The following SFTPD variants were observed in gnomAD, a reference collection of about 807,000 sequenced individuals.
SFTPD encodes the protein surfactant protein D.
Under a neutral mutation model 34.6 loss-of-function variants are expected in SFTPD, and 18 were observed. The ratio of observed to expected loss-of-function variants is 0.52; its 90% confidence interval spans 0.36 to 0.77. The LOEUF is 0.77. Ranked by LOEUF, SFTPD falls within the 30% of genes least tolerant of loss-of-function variation. SFTPD has a pLI of 0.00. For missense variants in SFTPD, 433 were observed against 468.9 expected (o/e 0.92, Z 0.71); for synonymous variants, 155 against 180.9 (o/e 0.86, Z 1.15).
intron 1 of SFTPD, among the ~76,000 whole-genome samples, chr10:79,947,804 A>T (rs563994993): frequency 3.5e-4 from 53 of 152,350 alleles, no homozygotes; most frequent in African/African-American, 1.3e-3. Context: ...CCCATTTACT[A>T]TCTAAGATGG....
upstream of SFTPD, among the ~76,000 whole-genome samples, chr10:79,953,669 A>G (rs1842723480): frequency 6.6e-6 from 1 of 151,944 alleles, no homozygotes; most frequent in South Asian, 2.1e-4. Context: ...ATGAATCTAG[A>G]TATCTGTTTC....
At chr10:79,943,644 A>T (rs749052153) in intron 2 of SFTPD, among the ~76,000 whole-genome samples, 7 of 152,100 alleles carry the variant, frequency 4.6e-5, no homozygotes, top group Non-Finnish European at 1.0e-4. Context: ...TTGTGGGTAA[A>T]TTTGCTGGAT....
At chr10:79,964,224 T>G (rs1478924816) in intron 1 of SFTPD, among the ~76,000 whole-genome samples, 1 of 152,220 alleles carries the variant, frequency 6.6e-6, no homozygotes, top group African/African-American at 2.4e-5. Flanking sequence ...TACTGTTATA[T>G]GGGCAGAAAG....
At chr10:79,970,467 G>A (rs532794354) in intron 1 of SFTPD, 3 of 151,994 alleles carry the variant, frequency 2.0e-5, no homozygotes, top group Non-Finnish European at 4.4e-5. Flanking sequence ...TGGTAGTATG[G>A]TCATTTTAAC....
intron 2 of SFTPD, among the ~76,000 whole-genome samples, chr10:79,943,306 T>G (rs1842634571): frequency 6.6e-6 from 1 of 152,198 alleles, no homozygotes; most frequent in African/African-American, 2.4e-5. Context: ...ATTTGTTCAC[T>G]AAGAGCCATC....
intron 1 of SFTPD, chr10:79,972,750 A>T (rs1842842805): frequency 6.6e-6 from 1 of 152,192 alleles, no homozygotes; most frequent in Admixed American, 6.5e-5. Flanking sequence ...TGTACCACGT[A>T]CAAACTGGAA....
At chr10:79,982,246 G>T in intron 1 of SFTPD, 1 of 893,676 alleles carries the variant, frequency 1.1e-6, no homozygotes, top group South Asian at 5.0e-5. Context: ...GAGCCAATGG[G>T]ACCGCGGGCG....
At chr10:79,955,392 C>A (rs1483414158) in intron 1 of SFTPD, among the ~76,000 whole-genome samples, 1 of 152,066 alleles carries the variant, frequency 6.6e-6, no homozygotes, top group Non-Finnish European at 1.5e-5. Context: ...TACCACCTTG[C>A]TTTGCAACTA....
upstream of SFTPD, among the ~76,000 whole-genome samples, chr10:79,953,276 C>A (rs547688184): frequency 1.3e-5 from 2 of 152,310 alleles, no homozygotes; most frequent in South Asian, 2.1e-4. Flanking sequence ...TTTATTTCAA[C>A]CTCGAGAACT....
At chr10:79,969,765 T>C (rs1347534434) in intron 1 of SFTPD, 1 of 152,188 alleles carries the variant, frequency 6.6e-6, no homozygotes, top group Non-Finnish European at 1.5e-5. Context: ...GGTTATGGAG[T>C]ATTTGAGTTC....
chr10:79,978,415 G>A (rs1564536853), intron 1 of SFTPD, among the ~76,000 whole-genome samples: 1 of 152,132 alleles, frequency 6.6e-6, no homozygotes, highest in African/African-American at 2.4e-5. Context: ...ACTTTGGGAG[G>A]CCAACGTGGG....
intron 1 of SFTPD, among the ~76,000 whole-genome samples, chr10:79,964,362 C>G (rs1842791719): frequency 6.6e-6 from 1 of 152,172 alleles, no homozygotes; most frequent in African/African-American, 2.4e-5. Flanking sequence ...GGCATCAGAT[C>G]CCATTGCTCA....
intron 6 of SFTPD, 124 bp from the exon 7 acceptor site, chr10:79,940,912 C>A: frequency 3.1e-6 from 2 of 638,052 alleles, no homozygotes; most frequent in Non-Finnish European, 5.7e-6. Flanking sequence ...CCACAGCAAG[C>A]CCACATCTAC....
intron 1 of SFTPD, among the ~76,000 whole-genome samples, chr10:79,974,278 C>G (rs1842851874): frequency 6.6e-6 from 1 of 152,158 alleles, no homozygotes; most frequent in Admixed American, 6.5e-5. Flanking sequence ...CGCCATTCTC[C>G]TGCCTCCGCC....
chr10:79,962,897 A>T (rs984273409), intron 1 of SFTPD, among the ~76,000 whole-genome samples: 4 of 152,160 alleles, frequency 2.6e-5, no homozygotes, highest in Non-Finnish European at 5.9e-5. Flanking sequence ...TTTCTATTAA[A>T]GTTGACTCTT....
At chr10:79,963,762 G>A (rs1842788046) in intron 1 of SFTPD, among the ~76,000 whole-genome samples, 1 of 152,070 alleles carries the variant, frequency 6.6e-6, no homozygotes, top group Admixed American at 6.6e-5. Context: ...GAGAACATGT[G>A]GTACTTATTT....
At chr10:79,943,069 C>G (rs1842629986) in intron 2 of SFTPD, among the ~76,000 whole-genome samples, 190 bp from the exon 3 acceptor site, 1 of 152,120 alleles carries the variant, frequency 6.6e-6, no homozygotes, top group African/African-American at 2.4e-5. Context: ...AGGAAGAAGC[C>G]TTCCAGAGTT....
At chr10:79,961,022 C>CA (rs1842769249) in intron 1 of SFTPD, among the ~76,000 whole-genome samples, 5 of 152,166 alleles carry the variant, frequency 3.3e-5, no homozygotes, top group Non-Finnish European at 7.3e-5. Flanking sequence ...CTTTGACAAA[C>CA]CTGACAAAAA....
chr10:79,955,560 C>T (rs940883174), intron 1 of SFTPD, among the ~76,000 whole-genome samples: 1 of 152,184 alleles, frequency 6.6e-6, no homozygotes, highest in African/African-American at 2.4e-5. Context: ...TCCACCACAA[C>T]CTCACAGAAA....
Sources: allele counts gnomAD v4.1 joint callset (sites outside exome capture counted in the v4.1 genomes callset), GRCh38; gene constraint gnomAD v4.1.1; transcripts MANE v1.5; gene names NCBI Gene and HGNC (gene_info 2026-07-23, HGNC 2026-07-21).